The following RELL1 variants were observed in gnomAD, a reference collection of about 807,000 sequenced individuals.
The protein encoded by RELL1 is RELT like 1.
In RELL1, 10 loss-of-function variants were observed where a neutral mutation model predicts 23.0. That is an observed-to-expected ratio of 0.43 (90% CI 0.27 to 0.74). The LOEUF (loss-of-function observed/expected upper bound fraction) is 0.74, where lower values mean the gene tolerates loss of function less well. Ranked by LOEUF, RELL1 falls within the 30% of genes least tolerant of loss-of-function variation. The pLI is 0.19. For missense variants in RELL1, 315 were observed against 364.4 expected (o/e 0.86, Z 1.10); for synonymous variants, 146 against 146.8 (o/e 0.99, Z 0.04).
chr4:37,596,109 G>A (rs1267966705), intron 6 of RELL1, among the ~76,000 whole-genome samples: 5 of 152,172 alleles, frequency 3.3e-5, no homozygotes, highest in African/African-American at 9.7e-5. Context: ...TCCCATACAT[G>A]TGCCTCTTTA....
chr4:37,605,793 G>GAGAGAGAGAGAGAAAGAA (rs1269670059), downstream of RELL1, among the ~76,000 whole-genome samples: 44 of 90,400 alleles, frequency 4.9e-4, 2 homozygotes, highest in African/African-American at 1.7e-3. Flanking sequence ...GAGAAAGAAA[G>GAGAGAGAGAGAGAAAGAA]AGAAAGAAAG....
Position 37,604,788 on chromosome 4 carries a change from CACACACACAG to C in RELL1, c.*4-13581_*4-13572del, listed in dbSNP as rs1560323559. Reference sequence around the variant, plus strand: ...ACACACACACACAGACACACACAGACACACACACAGACACACACACAGACACACACACAGA... The same window carrying C: ...ACACACACACACAGACACACACAGACACACACACACAGACACACACACAGA... On this transcript the variant is annotated intron_variant, in intron 6 of 6. Transcript: ENST00000314117. Among the ~76,000 whole-genome samples, 157 of 118,074 alleles carry C rather than the reference CACACACACAG, an allele frequency of 1.3e-3. 2 individuals are homozygous for C. Among genetic ancestry groups the C allele is most frequent in the African/African-American group, 4.6e-3 (134 of 29,062 alleles). The allele number at this position is 118,074 out of a possible 152,430, so 77.5% of individuals were successfully genotyped here. A position where few individuals can be genotyped will look rare whatever the true frequency, so the allele number is the denominator to read the frequency against.
At chr4:37,621,185 G>A (rs556797875) in intron 6 of RELL1, among the ~76,000 whole-genome samples, 46 of 152,280 alleles carry the variant, frequency 3.0e-4, no homozygotes, top group African/African-American at 8.4e-4. Flanking sequence ...GGCCAGGCGC[G>A]GTGGCTTACG....
intron 6 of RELL1, among the ~76,000 whole-genome samples, chr4:37,624,802 ACTAT>A (rs1719887433): frequency 6.6e-6 from 1 of 152,194 alleles, no homozygotes; most frequent in African/African-American, 2.4e-5. Flanking sequence ...CTTGACAAAT[ACTAT>A]CTATTTCTGA....
intron 1 of RELL1, among the ~76,000 whole-genome samples, chr4:37,684,582 G>C (rs998207694): frequency 6.6e-6 from 1 of 152,108 alleles, no homozygotes; most frequent in Admixed American, 6.6e-5. Context: ...ACCCTCTAAT[G>C]AATGTCTCCA....
intron 3 of RELL1, among the ~76,000 whole-genome samples, chr4:37,645,535 C>T (rs1291157243): frequency 1.3e-5 from 2 of 152,080 alleles, no homozygotes; most frequent in South Asian, 2.1e-4. Flanking sequence ...AAACATCATC[C>T]GAGTAAGTTT....
At chr4:37,597,795 A>T (rs1577553648) in intron 6 of RELL1, among the ~76,000 whole-genome samples, 1 of 152,270 alleles carries the variant, frequency 6.6e-6, no homozygotes, top group African/African-American at 2.4e-5. Flanking sequence ...TCATGCCTGT[A>T]ATCCCAGCAC....
At chr4:37,643,300 T>C (rs1560343340) in intron 3 of RELL1, among the ~76,000 whole-genome samples, 1 of 152,250 alleles carries the variant, frequency 6.6e-6, no homozygotes, top group East Asian at 1.9e-4. Context: ...GCAGGTCAGC[T>C]GATAATCCAT....
At chr4:37,666,364 G>A (rs1017872395) in intron 1 of RELL1, among the ~76,000 whole-genome samples, 17 of 152,182 alleles carry the variant, frequency 1.1e-4, no homozygotes, top group African/African-American at 3.6e-4. Flanking sequence ...TTTCTTGGCT[G>A]CACTGTGTTC....
intron 6 of RELL1, among the ~76,000 whole-genome samples, chr4:37,592,746 G>T (rs1162257283): frequency 4.0e-5 from 6 of 151,894 alleles, no homozygotes; most frequent in African/African-American, 1.4e-4. Flanking sequence ...AAAGTGAGAA[G>T]AATAATTGTA....
At chr4:37,669,706 TGG>T (rs1275643631) in intron 1 of RELL1, among the ~76,000 whole-genome samples, 1 of 152,082 alleles carries the variant, frequency 6.6e-6, no homozygotes, top group Non-Finnish European at 1.5e-5. Context: ...TCTTCTACCT[TGG>T]GATCCTGTTG....
intron 1 of RELL1, among the ~76,000 whole-genome samples, chr4:37,655,543 G>A (rs958489861): frequency 5.3e-5 from 8 of 152,172 alleles, no homozygotes; most frequent in African/African-American, 1.9e-4. Flanking sequence ...ACCCAGGAGA[G>A]AGGCATGAAA....
At chr4:37,636,112 C>G (rs1457493620) in intron 4 of RELL1, among the ~76,000 whole-genome samples, 1 of 152,100 alleles carries the variant, frequency 6.6e-6, no homozygotes, top group Admixed American at 6.5e-5. Context: ...GATATTGAGG[C>G]AGGGAGAAGT....
exon 7 of RELL1, chr4:37,590,884 C>T (rs1401290399): frequency 3.7e-6 from 6 of 1,614,216 alleles, no homozygotes; most frequent in Non-Finnish European, 5.1e-6. Flanking sequence ...GGAGGATACC[C>T]ATGGCTCCGA....
At position 37,612,607 on chromosome 4, in the gene RELL1, A is replaced by C. The variant is rs1719440727; in HGVS notation, c.*739T>G. Among the ~76,000 whole-genome samples the C allele has an allele frequency of 6.7e-6, 1 of 150,084 alleles. No homozygotes were observed. The highest frequency in any genetic ancestry group is 2.5e-5 in the African/African-American group (1 of 40,424). ...AGTGGAGATTGTGCCACTGCACTCCAGCCTAGGGGACACAGCGAGACTCTG... is the reference window on the plus strand; with the variant it reads ...AGTGGAGATTGTGCCACTGCACTCCCGCCTAGGGGACACAGCGAGACTCTG... On this transcript the variant is annotated 3_prime_UTR_variant, in exon 7 of 7. Transcript: ENST00000454158.
chr4:37,604,930 C>CAA (rs748765034), intron 6 of RELL1, among the ~76,000 whole-genome samples: 1 of 61,028 alleles, frequency 1.6e-5, no homozygotes, highest in Non-Finnish European at 3.5e-5. Context: ...GACACACACA[C>CAA]ACAGACACAC....
At chr4:37,617,316 A>G (rs2048257) in intron 6 of RELL1, among the ~76,000 whole-genome samples, 27,903 of 152,202 alleles carry the variant, frequency 0.18, 2,816 homozygotes, top group East Asian at 0.32. Context: ...GGTAAGACCC[A>G]GTACTAATGT....
chr4:37,673,005 G>A (rs1577608122), intron 1 of RELL1, among the ~76,000 whole-genome samples: 1 of 151,948 alleles, frequency 6.6e-6, no homozygotes, highest in African/African-American at 2.4e-5. Context: ...GAATTCAATA[G>A]TCTGGACCAT....
intron 2 of RELL1, among the ~76,000 whole-genome samples, chr4:37,647,757 A>G (rs1014642602): frequency 1.8e-4 from 28 of 152,262 alleles, no homozygotes; most frequent in African/African-American, 6.5e-4. Flanking sequence ...CTTATGAGAA[A>G]TGGGAAGAAA....
Sources: gnomAD v4.1 joint callset for allele counts (sites outside exome capture counted in the v4.1 genomes callset) on GRCh38, gnomAD v4.1.1 for gene constraint, MANE v1.5 for transcripts, NCBI Gene and HGNC (gene_info 2026-07-23, HGNC 2026-07-21) for gene names.